The following GPC5 variants were observed in gnomAD, a reference collection of about 807,000 sequenced individuals.
The protein encoded by GPC5 is glypican-5.
Under a neutral mutation model 53.9 loss-of-function variants are expected in GPC5, and 47 were observed. The observed-to-expected ratio is 0.87, with a 90% CI of 0.69 to 1.11. The LOEUF is 1.11. Among genes scored for constraint, GPC5 ranks in the 50% most tolerant of loss-of-function variants. The pLI, the probability that GPC5 is intolerant of heterozygous loss-of-function variation, is 0.00. For missense variants in GPC5, 748 were observed against 713.1 expected, an observed-to-expected ratio of 1.05 and a Z score of -0.56; for synonymous variants, 286 against 263.3, an observed-to-expected ratio of 1.09 and a Z score of -0.84.
intron 7 of GPC5, among the ~76,000 whole-genome samples, chr13:92,772,736 G>T (rs905851120): frequency 5.9e-5 from 9 of 152,170 alleles, no homozygotes; most frequent in Non-Finnish European, 1.0e-4. Flanking sequence ...TGCCTAAAGA[G>T]TTAGTGATAC....
intron 7 of GPC5, among the ~76,000 whole-genome samples, chr13:92,393,697 C>G (rs1875130854): frequency 6.6e-6 from 1 of 151,972 alleles, no homozygotes; most frequent in Admixed American, 6.6e-5. Context: ...ACAACAGACA[C>G]TGGGTTCTAC....
chr13:92,233,928 G>A lies in GPC5; in HGVS notation c.1561+88939G>A, dbSNP rs535804523. On this transcript the variant is annotated intron_variant, in intron 7 of 7. Coordinates refer to ENST00000377067, the MANE Select transcript of GPC5 (RefSeq NM_004466.6). ...CTGGTGTTTGGTTTTTTGTCCTTGC[G>A]ATAGTTTGCTGAGAATGATGGTTTC... Among the ~76,000 whole-genome samples, 7 of 151,964 alleles carry A rather than the reference G, an allele frequency of 4.6e-5. No individual in the cohort carries two copies. The South Asian group carries it at 6.2e-4, about 14-fold the overall frequency.
chr13:92,028,786 G>C (rs2040819749), intron 6 of GPC5, among the ~76,000 whole-genome samples: 2 of 152,090 alleles, frequency 1.3e-5, no homozygotes, highest in African/African-American at 4.8e-5. Context: ...AAATTATTTA[G>C]TTTCCAAATT....
intron 2 of GPC5, among the ~76,000 whole-genome samples, chr13:91,585,934 G>A (rs1027728651): frequency 4.6e-5 from 7 of 151,798 alleles, no homozygotes; most frequent in African/African-American, 1.7e-4. Flanking sequence ...TTGATTTCTT[G>A]GCTGGCCTGA....
chr13:91,740,513 A>G (rs1037373665), intron 4 of GPC5, among the ~76,000 whole-genome samples: 2 of 152,132 alleles, frequency 1.3e-5, no homozygotes, highest in Non-Finnish European at 2.9e-5. Context: ...TAAACCATAG[A>G]GTTGGATTCT....
chr13:92,418,764 C>T (rs12429177), intron 7 of GPC5, among the ~76,000 whole-genome samples: 3,902 of 152,202 alleles, frequency 0.026, 128 homozygotes, highest in East Asian at 0.12. Flanking sequence ...CTTTTAATTA[C>T]TTTGCTTTCA....
At chr13:92,437,062 A>G (rs1455488871) in intron 7 of GPC5, among the ~76,000 whole-genome samples, 5 of 152,210 alleles carry the variant, frequency 3.3e-5, no homozygotes, top group Admixed American at 2.0e-4. Context: ...TCAAACTGCA[A>G]TCCCAGAACA....
intron 7 of GPC5, among the ~76,000 whole-genome samples, chr13:92,326,607 G>A (rs888865252): frequency 2.6e-5 from 4 of 152,042 alleles, no homozygotes; most frequent in African/African-American, 9.7e-5. Context: ...CAAACTATAG[G>A]CACTTCAATA....
At chr13:92,819,854 C>G (rs1377124152) in intron 7 of GPC5, among the ~76,000 whole-genome samples, 1 of 152,158 alleles carries the variant, frequency 6.6e-6, no homozygotes, top group Non-Finnish European at 1.5e-5. Context: ...TTGATGTCAA[C>G]TCTGAGCAAC....
intron 5 of GPC5, among the ~76,000 whole-genome samples, chr13:91,778,694 C>A (rs555714640): frequency 6.6e-6 from 1 of 152,308 alleles, no homozygotes; most frequent in East Asian, 1.9e-4. Context: ...CAACCTTGAC[C>A]CTTGTCCATT....
intron 7 of GPC5, among the ~76,000 whole-genome samples, chr13:92,291,441 A>C (rs1435715907): frequency 6.6e-6 from 1 of 152,168 alleles, no homozygotes; most frequent in African/African-American, 2.4e-5. Flanking sequence ...GGGTTTGTGA[A>C]TGCACCAATC....
intron 2 of GPC5, among the ~76,000 whole-genome samples, chr13:91,472,323 C>A (rs2139183772): frequency 6.6e-6 from 1 of 152,242 alleles, no homozygotes; most frequent in Non-Finnish European, 1.5e-5. Context: ...ACTTTAAGGG[C>A]ATGATCTCTG....
chr13:91,458,524 G>C (rs990494471), intron 2 of GPC5, among the ~76,000 whole-genome samples: 2 of 151,908 alleles, frequency 1.3e-5, no homozygotes, highest in Admixed American at 1.3e-4. Flanking sequence ...ACGAATTATC[G>C]GGAAATGCAA....
intron 2 of GPC5, among the ~76,000 whole-genome samples, chr13:91,460,175 A>G (rs896624834): frequency 1.3e-5 from 2 of 152,164 alleles, no homozygotes; most frequent in African/African-American, 2.4e-5. Context: ...TTGGGACTCA[A>G]TTTTGAAGTC....
chr13:92,443,340 T>C (rs1243324234), intron 7 of GPC5, among the ~76,000 whole-genome samples: 2 of 152,186 alleles, frequency 1.3e-5, no homozygotes, highest in Non-Finnish European at 1.5e-5. Flanking sequence ...TATTTCAACA[T>C]GAGACTTGGA....
At chr13:92,137,687 G>A (rs1258690883) in intron 6 of GPC5, among the ~76,000 whole-genome samples, 1 of 152,102 alleles carries the variant, frequency 6.6e-6, no homozygotes. Context: ...GTGCAGTGAT[G>A]CAATCATGGT....
At chr13:91,730,456 G>T (rs928065447) in intron 4 of GPC5, among the ~76,000 whole-genome samples, 3 of 151,936 alleles carry the variant, frequency 2.0e-5, no homozygotes, top group African/African-American at 7.3e-5. Flanking sequence ...ACTTCTATTC[G>T]AGCCTAGTCT....
intron 2 of GPC5, among the ~76,000 whole-genome samples, chr13:91,653,267 C>T (rs982153554): frequency 1.3e-5 from 2 of 152,140 alleles, no homozygotes; most frequent in Non-Finnish European, 2.9e-5. Flanking sequence ...TCACATTTGG[C>T]TTTTAATAAA....
chr13:92,586,024 G>A (rs2139060282), intron 7 of GPC5, among the ~76,000 whole-genome samples: 1 of 152,288 alleles, frequency 6.6e-6, no homozygotes, highest in Middle Eastern at 3.4e-3. Flanking sequence ...AATACGCCTG[G>A]CTAGGTTTAC....
Sources: gnomAD v4.1 joint callset for allele counts (sites outside exome capture counted in the v4.1 genomes callset) on GRCh38, gnomAD v4.1.1 for gene constraint, MANE v1.5 for transcripts, NCBI Gene and HGNC (gene_info 2026-07-23, HGNC 2026-07-21) for gene names.